ERG: variants seen among roughly 807,000 people sequenced by gnomAD.
ERG encodes the protein transcriptional regulator ERG.
A neutral mutation model predicts 55.3 loss-of-function variants in ERG; 9 were observed. That is an observed-to-expected ratio of 0.16 (90% CI 0.10 to 0.28). The LOEUF is 0.28. Among genes scored for constraint, ERG ranks in the 10% least tolerant of loss-of-function variants. The probability of loss-of-function intolerance (pLI) is 1.00; values close to 1 mark genes in which losing one functional copy is unlikely to be tolerated. For synonymous variants in ERG, 223 were observed against 237.3 expected, an observed-to-expected ratio of 0.94 and a Z score of 0.55; for missense variants, 434 against 631.6, an observed-to-expected ratio of 0.69 and a Z score of 3.35.
At chr21:38,475,543 T>C (rs867483789) in intron 1 of ERG, among the ~76,000 whole-genome samples, 145 of 152,210 alleles carry the variant, frequency 9.5e-4, no homozygotes, top group African/African-American at 3.4e-3. Flanking sequence ...TTGGGGTCCT[T>C]GCCTTTGCCA....
At position 38,543,147 on chromosome 21, in the gene ERG, A is replaced by T. The variant is rs937550176; in HGVS notation, c.-41+32515T>A. ...TAGTCCAGAATTATGCAGAATAAGT[A>T]TACTTCATCTTAGACACCATAATTC... On this transcript the variant is annotated intron_variant, in intron 2 of 8. Transcript: ENST00000398897. 1.3e-5 allele frequency among the ~76,000 whole-genome samples: 2 copies of T among 152,234 alleles called. 1 individual carries two copies. The highest frequency in any genetic ancestry group is 4.8e-5 in the African/African-American group (2 of 41,468).
Position 38,392,445 on chromosome 21 carries a change from C to A in ERG, c.746-1G>T, listed in dbSNP as rs2146432104. On this transcript the variant is annotated splice_acceptor_variant, in intron 6 of 9. Coordinates refer to ENST00000288319, the MANE Select transcript of ERG (RefSeq NM_182918.4). LOFTEE classifies it high-confidence loss of function. Reference sequence around the variant, plus strand: ...CTCCTGGGGGGCTCATATGGTAAATCTGTAAAGACAAATAAATTGACTAAA... The same window carrying A: ...CTCCTGGGGGGCTCATATGGTAAATATGTAAAGACAAATAAATTGACTAAA... The A allele has an allele frequency of 6.6e-7, 1 of 1,512,390 alleles. No individual in the cohort carries two copies. The highest frequency in any genetic ancestry group is 2.5e-5 in the East Asian group (1 of 40,212). 93.7% of individuals were successfully genotyped at this position (1,512,390 alleles called of 1,614,324 possible). A position where few individuals can be genotyped will look rare whatever the true frequency, so the allele number is the denominator to read the frequency against.
intron 1 of ERG, among the ~76,000 whole-genome samples, chr21:38,482,431 GCA>G (rs1177154865): frequency 3.3e-5 from 5 of 152,180 alleles, no homozygotes; most frequent in Non-Finnish European, 5.9e-5. Flanking sequence ...ATGGAATGTT[GCA>G]GACACTGTGG....
intron 1 of ERG, among the ~76,000 whole-genome samples, chr21:38,485,086 G>T (rs569392216): frequency 1.3e-5 from 2 of 151,916 alleles, no homozygotes; most frequent in African/African-American, 2.4e-5. Context: ...CACTGTTATC[G>T]TAGGAGATGA....
At chr21:38,660,230 A>G (rs2060543825) in intron 1 of ERG, among the ~76,000 whole-genome samples, 1 of 152,232 alleles carries the variant, frequency 6.6e-6, no homozygotes, top group African/African-American at 2.4e-5. Flanking sequence ...AGACAAGGAC[A>G]AATAACCTCT....
At chr21:38,551,623 A>G (rs189644149) in intron 2 of ERG, among the ~76,000 whole-genome samples, 1 of 152,256 alleles carries the variant, frequency 6.6e-6, no homozygotes, top group Admixed American at 6.5e-5. Flanking sequence ...GTCATTCAGG[A>G]GCAGGTTGTT....
At chr21:38,618,033 C>T (rs534821172) in intron 1 of ERG, among the ~76,000 whole-genome samples, 5 of 152,296 alleles carry the variant, frequency 3.3e-5, no homozygotes, top group African/African-American at 7.2e-5. Context: ...CAAGCCCACA[C>T]GTGTCATGGA....
intron 1 of ERG, among the ~76,000 whole-genome samples, chr21:38,628,425 G>A (rs567345614): frequency 6.6e-6 from 1 of 152,288 alleles, no homozygotes; most frequent in East Asian, 1.9e-4. Context: ...ATTAATGACT[G>A]ATGGGCTCCA....
At chr21:38,445,759 A>C in intron 1 of ERG, 138 bp from the exon 2 acceptor site, 1 of 667,558 alleles carries the variant, frequency 1.5e-6, no homozygotes, top group South Asian at 2.0e-5. Context: ...ACCTTTCAGA[A>C]GAAAAAAGTA....
chr21:38,391,323 C>A (rs1987959621), intron 8 of ERG, among the ~76,000 whole-genome samples: 1 of 152,136 alleles, frequency 6.6e-6, no homozygotes, highest in Non-Finnish European at 1.5e-5. Context: ...ATAAAGAGGG[C>A]AAACATGTGC....
upstream of ERG, among the ~76,000 whole-genome samples, chr21:38,587,355 C>G (rs1307052686): frequency 1.3e-4 from 17 of 133,860 alleles, no homozygotes; most frequent in Admixed American, 8.1e-4. Context: ...CAAAGCTGTG[C>G]AAATCTTTTT....
upstream of ERG, among the ~76,000 whole-genome samples, chr21:38,587,288 G>A (rs1239420993): frequency 2.0e-5 from 3 of 152,008 alleles, no homozygotes; most frequent in Non-Finnish European, 4.4e-5. Flanking sequence ...TTCCCTGCTC[G>A]GCAGCCTGAT....
chr21:38,481,730 A>G (rs77731019), intron 1 of ERG, among the ~76,000 whole-genome samples: 2,652 of 152,326 alleles, frequency 0.017, 90 homozygotes, highest in African/African-American at 0.061. Flanking sequence ...CCTGATTCCA[A>G]TGAATACAGA....
intron 1 of ERG, among the ~76,000 whole-genome samples, chr21:38,454,846 G>A (rs1035832935): frequency 1.3e-5 from 2 of 152,116 alleles, no homozygotes; most frequent in Admixed American, 1.3e-4. Flanking sequence ...AGAGGGGAAG[G>A]GAGATCTAGC....
rs182960433 is a variant in ERG, at chr21:38,468,521, C to G, written c.19-22900G>C. On this transcript the variant is annotated intron_variant, in intron 1 of 9. Coordinates refer to ENST00000288319, the MANE Select transcript of ERG (RefSeq NM_182918.4). Reference sequence around the variant, plus strand: ...TGGGATGAATTGGAAGATCTGGATGCTCCATTCACCACAGTTGATGATGCT... The same window carrying G: ...TGGGATGAATTGGAAGATCTGGATGGTCCATTCACCACAGTTGATGATGCT... Among the ~76,000 whole-genome samples, 45 of 152,240 alleles carry G rather than the reference C, an allele frequency of 3.0e-4. No individual in the cohort carries two copies. The East Asian group carries it at 8.1e-3, about 27-fold the overall frequency.
At chr21:38,403,057 C>T (rs564012534) in intron 4 of ERG, among the ~76,000 whole-genome samples, 7 of 152,306 alleles carry the variant, frequency 4.6e-5, no homozygotes, top group Admixed American at 4.6e-4. Context: ...GTGAAAACTT[C>T]CCTTGTTCTG....
At chr21:38,403,426 C>A in intron 4 of ERG, 80 bp downstream of exon 4, 1 of 1,399,742 alleles carries the variant, frequency 7.1e-7, no homozygotes, top group Non-Finnish European at 1.0e-6. Flanking sequence ...GCTGTCGACA[C>A]ACCTGGTTGA....
At chr21:38,445,714 C>A in intron 1 of ERG, 93 bp from the exon 2 acceptor site, 1 of 956,112 alleles carries the variant, frequency 1.0e-6, no homozygotes. Flanking sequence ...CTAACTGGGA[C>A]CACATTTTAG....
At chr21:38,561,100 T>C (rs745976418) in intron 2 of ERG, among the ~76,000 whole-genome samples, 2 of 152,194 alleles carry the variant, frequency 1.3e-5, no homozygotes, top group Non-Finnish European at 2.9e-5. Context: ...CTAAGGGTTA[T>C]GTTGTTCGTT....
Sources: allele counts gnomAD v4.1 joint callset (sites outside exome capture counted in the v4.1 genomes callset), GRCh38; gene constraint gnomAD v4.1.1; transcripts MANE v1.5; gene names NCBI Gene and HGNC (gene_info 2026-07-23, HGNC 2026-07-21).